Variants in STK26 observed in about 807,000 individuals in gnomAD.
STK26 encodes the protein serine/threonine-protein kinase 26.
Under a neutral mutation model 34.7 loss-of-function variants are expected in STK26, and 14 were observed. The observed-to-expected ratio is 0.40, with a 90% CI of 0.27 to 0.63. The LOEUF (loss-of-function observed/expected upper bound fraction) is 0.63. Ranked by LOEUF, STK26 falls within the 30% of genes least tolerant of loss-of-function variation. The pLI is 0.38. For missense variants in STK26, 226 were observed against 309.1 expected (o/e 0.73, Z 2.02); for synonymous variants, 100 against 109.8 (o/e 0.91, Z 0.56).
At chrX:132,035,874 CA>C (rs1443630419) in intron 2 of STK26, among the ~76,000 whole-genome samples, 6 of 106,245 alleles carry the variant, frequency 5.6e-5, no homozygotes, top group Non-Finnish European at 7.8e-5. Flanking sequence ...CACACACACA[CA>C]CTCATTCACA....
At chrX:132,056,059 T>C (rs1478208178) in intron 3 of STK26, among the ~76,000 whole-genome samples, 1 of 112,590 alleles carries the variant, frequency 8.9e-6, no homozygotes, top group East Asian at 2.8e-4. Context: ...ATTGTTTTCC[T>C]GATTTCACTT....
At chrX:132,033,373 T>C (rs1318400809) in intron 2 of STK26, among the ~76,000 whole-genome samples, 1 of 112,206 alleles carries the variant, frequency 8.9e-6, no homozygotes, top group Non-Finnish European at 1.9e-5. Context: ...CTACTAAGTA[T>C]GGTGACAGAA....
At chrX:132,033,454 A>G (rs1158666304) in intron 2 of STK26, among the ~76,000 whole-genome samples, 2 of 112,275 alleles carry the variant, frequency 1.8e-5, no homozygotes, top group African/African-American at 3.2e-5. Context: ...GGAAATACGC[A>G]TATTTCAAAT....
rs760462787 is a variant in STK26 at position 132,039,253 on chromosome X, A to T, written c.43-15378A>T. 1.7e-4 allele frequency among the ~76,000 whole-genome samples: 19 copies of T among 111,897 alleles called. No homozygotes were observed. The South Asian group carries it at 4.4e-3, about 26-fold the overall frequency. Reference sequence around the variant, plus strand: ...GATAAAGTACATTTTAGATATTTTTAAAAAATTTCTTTAACTGAAAAGATT... The same window carrying T: ...GATAAAGTACATTTTAGATATTTTTTAAAAATTTCTTTAACTGAAAAGATT... On this transcript the variant is annotated intron_variant, in intron 2 of 11. Transcript: ENST00000394334.
At chrX:132,034,492 G>C (rs1028098382) in intron 2 of STK26, among the ~76,000 whole-genome samples, 3 of 107,874 alleles carry the variant, frequency 2.8e-5, no homozygotes, top group Non-Finnish European at 5.8e-5. Flanking sequence ...ATTTTTAGTA[G>C]AGACAGGGTT....
intron 3 of STK26, among the ~76,000 whole-genome samples, chrX:132,057,465 T>C (rs1156421826): frequency 2.7e-5 from 3 of 111,298 alleles, no homozygotes; most frequent in Non-Finnish European, 3.8e-5. Context: ...ATTCTTTCTT[T>C]TTTGCTCCAC....
intron 2 of STK26, among the ~76,000 whole-genome samples, chrX:132,041,759 A>T (rs1189769318): frequency 9.0e-6 from 1 of 111,048 alleles, no homozygotes; most frequent in Non-Finnish European, 1.9e-5. Flanking sequence ...TTAAGGAAAA[A>T]GATCAACTTT....
chrX:132,037,753 T>G (rs1272899566), intron 2 of STK26, among the ~76,000 whole-genome samples: 3 of 103,268 alleles, frequency 2.9e-5, no homozygotes, highest in Admixed American at 1.0e-4. Context: ...AACAAAGTCT[T>G]GTAACCGGAG....
chrX:132,045,297 T>C (rs761067640), intron 2 of STK26, among the ~76,000 whole-genome samples: 1 of 111,822 alleles, frequency 8.9e-6, no homozygotes, highest in African/African-American at 3.2e-5. Context: ...TGAGCTATTG[T>C]GTGCTGTTAT....
At position 132,074,752 on chromosome X, in the gene STK26, T is replaced by C. The variant is rs1927546388; in HGVS notation, c.*593T>C. ...GATTATCACATTTGAGACCCTGTGT[T>C]TGAAGCATTTACAGGCAATGTACAG... On this transcript the variant is annotated 3_prime_UTR_variant, in exon 12 of 12. Transcript: ENST00000394334. 9.0e-6 allele frequency: 1 copy of C among 111,357 alleles called. No homozygotes were observed. Among genetic ancestry groups the C allele is most frequent in the Non-Finnish European group, 1.9e-5 (1 of 52,881 alleles). 9.2% of individuals were successfully genotyped at this position (111,357 alleles called of 1,213,427 possible).
chrX:132,029,435 A>T (rs1480612065), intron 2 of STK26, among the ~76,000 whole-genome samples: 1 of 111,204 alleles, frequency 9.0e-6, no homozygotes, highest in Admixed American at 9.6e-5. Context: ...GTTATGATGT[A>T]TGGGGGGCAG....
Position 132,069,472 on chromosome X carries a change from C to A in STK26, c.598-6C>A. ...ATATATTATTTTCTTTTTCCTTTTA[C>A]GTTAGGCTGACATTTGGTCATTGGG... On this transcript the variant is annotated splice_polypyrimidine_tract_variant and splice_region_variant and intron_variant, in intron 6 of 11. Coordinates refer to ENST00000394334, the MANE Select transcript of STK26 (RefSeq NM_016542.4). 1.1e-6 allele frequency: 1 copy of A among 881,876 alleles called. No homozygotes were observed. Among genetic ancestry groups the A allele is most frequent in the Non-Finnish European group, 1.4e-6 (1 of 701,451 alleles). The allele number at this position is 881,876 out of a possible 1,213,427, so 72.7% of individuals were successfully genotyped here.
intron 8 of STK26, among the ~76,000 whole-genome samples, chrX:132,071,898 A>G (rs752683692): frequency 1.8e-5 from 2 of 111,857 alleles, no homozygotes; most frequent in Non-Finnish European, 3.8e-5. Flanking sequence ...AAAAAATATC[A>G]GAATAATTTG....
intron 2 of STK26, among the ~76,000 whole-genome samples, chrX:132,050,583 G>C (rs1161595696): frequency 8.9e-6 from 1 of 111,904 alleles, no homozygotes; most frequent in East Asian, 2.8e-4. Context: ...GTGTTTGGTT[G>C]AAAATAAATT....
intron 2 of STK26, among the ~76,000 whole-genome samples, chrX:132,042,910 T>C (rs1232859429): frequency 8.9e-6 from 1 of 111,776 alleles, no homozygotes; most frequent in African/African-American, 3.2e-5. Flanking sequence ...TAAATACTAT[T>C]TGATTAAATT....
Position 132,074,653 on chromosome X carries a change from A to C in STK26, c.*494A>C, listed in dbSNP as rs1053884403. ...CCTTCTTAAAACAGAAAATTTAAGT[A>C]AAGTCTTTTAAATGAAACCTGTAAA... On this transcript the variant is annotated 3_prime_UTR_variant, in exon 12 of 12. Coordinates refer to ENST00000394334, the MANE Select transcript of STK26 (RefSeq NM_016542.4). 1 of 111,208 alleles carries C rather than the reference A, an allele frequency of 9.0e-6. No homozygotes were observed. The highest frequency in any genetic ancestry group is 1.9e-5 in the Non-Finnish European group (1 of 52,929). 9.2% of individuals were successfully genotyped at this position (111,208 alleles called of 1,213,427 possible).
At chrX:132,028,397 G>C (rs1925691994) in intron 2 of STK26, among the ~76,000 whole-genome samples, 2 of 111,880 alleles carry the variant, frequency 1.8e-5, no homozygotes, top group Admixed American at 1.9e-4. Context: ...GCCAGATCTG[G>C]TAGGAAGTTA....
At chrX:132,055,402 G>A (rs1926822819) in intron 3 of STK26, 9 of 982,746 alleles carry the variant, frequency 9.2e-6, no homozygotes, top group Admixed American at 2.6e-5. Context: ...GGAATTAAGT[G>A]GAATAACATC....
intron 2 of STK26, among the ~76,000 whole-genome samples, chrX:132,043,447 T>C (rs1467961936): frequency 9.0e-6 from 1 of 111,594 alleles, no homozygotes; most frequent in Non-Finnish European, 1.9e-5. Flanking sequence ...AGAGTCTTTG[T>C]CTTTCTTTCA....
Sources: allele counts gnomAD v4.1 joint callset (sites outside exome capture counted in the v4.1 genomes callset), GRCh38; gene constraint gnomAD v4.1.1; transcripts MANE v1.5; gene names NCBI Gene and HGNC (gene_info 2026-07-23, HGNC 2026-07-21).